MYH10: variants seen among roughly 807,000 people sequenced by gnomAD.
The protein encoded by MYH10 is myosin heavy chain 10.
In MYH10, 55 loss-of-function variants were observed where a neutral mutation model predicts 257.8. The observed-to-expected ratio is 0.21, with a 90% CI of 0.17 to 0.27. The LOEUF is 0.27. MYH10 is among the 10% of genes least tolerant of loss of function. The pLI is 1.00. For synonymous variants in MYH10, 854 were observed against 921.7 expected, an observed-to-expected ratio of 0.93 and a Z score of 1.33; for missense variants, 1,631 against 2,500.6, an observed-to-expected ratio of 0.65 and a Z score of 7.42.
chr17:8,475,684 A>T lies in MYH10; in HGVS notation c.*120T>A. On this transcript the variant is annotated 3_prime_UTR_variant, in exon 43 of 43. Coordinates refer to ENST00000360416, the MANE Select transcript of MYH10 (RefSeq NM_001256012.3). ...CAGTATGCATAGGCTGGAGAGCCTT[A>T]AGACACAGTTGATCTTTCAGGAAGG... is the stretch of plus-strand genomic sequence containing the variant. The T allele has an allele frequency of 1.6e-6, 2 of 1,235,248 alleles. No homozygotes were observed. Among genetic ancestry groups the T allele is most frequent in the Non-Finnish European group, 2.3e-6 (2 of 876,132 alleles). The allele number at this position is 1,235,248 out of a possible 1,614,324, so 76.5% of individuals were successfully genotyped here.
chr17:8,503,434 T>C (rs1435665615), intron 28 of MYH10, among the ~76,000 whole-genome samples: 4 of 152,104 alleles, frequency 2.6e-5, no homozygotes, highest in Non-Finnish European at 5.9e-5. Context: ...TAGCTGTACA[T>C]ATTCATGGCT....
In MYH10 at chr17:8,506,476, C is replaced by T; in HGVS notation, c.3228G>A (p.Lys1076=). The change falls in exon 27 of 43, where the codon AAG becomes AAA. Residue 1076 remains lysine (K), a synonymous_variant. Coordinates refer to ENST00000360416, the MANE Select transcript of MYH10 (RefSeq NM_001256012.3). The surrounding 1 kb of genome is among the most constrained non-coding windows in gnomAD (Gnocchi z 5.0). The part of the protein sequence containing the change: ...MISDLEERLK[K]EEKTRQELEK... ...CCAGTTCCTGACGAGTCTTTTCTTC[C>T]TTCTTTAAGCGTTCTTTAAGGTAAG... 2 of 1,610,890 alleles carry T rather than the reference C, an allele frequency of 1.2e-6. No individual in the cohort carries two copies. Among genetic ancestry groups the T allele is most frequent in the Non-Finnish European group, 1.7e-6 (2 of 1,179,032 alleles).
chr17:8,534,303 C>G (rs574543008), intron 16 of MYH10, among the ~76,000 whole-genome samples: 2 of 152,324 alleles, frequency 1.3e-5, no homozygotes, highest in South Asian at 4.1e-4. Context: ...TCGTCTTTCC[C>G]CCAGGTCCCT....
chr17:8,624,644 T>C (rs528440395), intron 1 of MYH10, among the ~76,000 whole-genome samples: 2 of 152,344 alleles, frequency 1.3e-5, no homozygotes, highest in African/African-American at 4.8e-5. Flanking sequence ...ACAAAATCCC[T>C]GAAATGGTAT....
Position 8,499,476 on chromosome 17 carries a change from A to C in MYH10, c.3745T>G (p.Phe1249Val). Residue 1249 changes from phenylalanine to valine, a missense_variant and splice_region_variant, in exon 30 of 43, where the codon TTC becomes GTC. Phe to Val is a conservative substitution (Grantham distance 50, BLOSUM62 -1). Coordinates refer to ENST00000360416, the MANE Select transcript of MYH10 (RefSeq NM_001256012.3). ...LSEQLEQAKRFKANLEKNKQG... is the reference protein window; with the variant it reads ...LSEQLEQAKRVKANLEKNKQG... ...TTGTTCTTCTCTAGATTTGCTTTGA[A>C]CTAGGAGACGGAAGGGAAAACATAA... The C allele has an allele frequency of 6.2e-7, 1 of 1,614,094 alleles. No individual in the cohort carries two copies. Among genetic ancestry groups the C allele is most frequent in the Non-Finnish European group, 8.5e-7 (1 of 1,179,958 alleles).
intron 2 of MYH10, among the ~76,000 whole-genome samples, chr17:8,608,108 T>C (rs1473873404): frequency 2.0e-5 from 3 of 152,144 alleles, no homozygotes; most frequent in Non-Finnish European, 4.4e-5. Flanking sequence ...TACCATGGAA[T>C]GTGAGCGACA....
At chr17:8,578,965 G>T (rs2152024560) in intron 4 of MYH10, among the ~76,000 whole-genome samples, 2 of 152,190 alleles carry the variant, frequency 1.3e-5, no homozygotes, top group East Asian at 3.9e-4. Flanking sequence ...AACAAAGCTG[G>T]ACTCTTTCTT....
intron 7 of MYH10, chr17:8,561,108 T>A: frequency 1.7e-6 from 1 of 605,034 alleles, no homozygotes; most frequent in Non-Finnish European, 2.9e-6. Context: ...CCCCTCGACA[T>A]CAAGCTGGAT....
At chr17:8,588,171 C>T (rs967683652) in intron 4 of MYH10, among the ~76,000 whole-genome samples, 3 of 152,154 alleles carry the variant, frequency 2.0e-5, no homozygotes, top group African/African-American at 7.2e-5. Flanking sequence ...GGATTCCACA[C>T]TCTGCTTTCT....
Position 8,586,823 on chromosome 17 carries a change from T to A in MYH10, c.530+2258A>T, listed in dbSNP as rs187603209. On this transcript the variant is annotated intron_variant, in intron 4 of 42. Coordinates refer to ENST00000360416, the MANE Select transcript of MYH10 (RefSeq NM_001256012.3). ...CTGCTTTCAGACGTTCCCAAAAGTC[T>A]TCATCAAACCACTTCATCTAAGAGA... Among the ~76,000 whole-genome samples, 83 of 152,308 alleles carry A rather than the reference T, an allele frequency of 5.4e-4. 1 individual carries two copies. Among genetic ancestry groups the A allele is most frequent in the African/African-American group, 1.8e-3 (74 of 41,572 alleles).
At chr17:8,584,828 G>A (rs2083834573) in intron 4 of MYH10, among the ~76,000 whole-genome samples, 1 of 152,150 alleles carries the variant, frequency 6.6e-6, no homozygotes, top group Admixed American at 6.5e-5. Flanking sequence ...GTTGCATCTA[G>A]TTGTATTTAT....
intron 9 of MYH10, among the ~76,000 whole-genome samples, chr17:8,550,690 G>A (rs2082610803): frequency 6.6e-6 from 1 of 152,164 alleles, no homozygotes; most frequent in Non-Finnish European, 1.5e-5. Flanking sequence ...CGGCTTTGTG[G>A]AATGGAGAGG....
intron 21 of MYH10, among the ~76,000 whole-genome samples, chr17:8,517,324 A>C (rs946260431): frequency 2.0e-5 from 3 of 152,126 alleles, no homozygotes; most frequent in Non-Finnish European, 2.9e-5. Context: ...AGCCCTCTTG[A>C]CCACTATCTG....
intron 21 of MYH10, among the ~76,000 whole-genome samples, chr17:8,515,807 G>T (rs770497433): frequency 6.6e-6 from 1 of 152,088 alleles, no homozygotes; most frequent in Non-Finnish European, 1.5e-5. Flanking sequence ...GCCTCCACAA[G>T]TGCTGGAATT....
chr17:8,568,916 A>G (rs779141490), intron 7 of MYH10, among the ~76,000 whole-genome samples: 85 of 151,760 alleles, frequency 5.6e-4, no homozygotes, highest in Middle Eastern at 3.4e-3. Flanking sequence ...TTGAATAGCT[A>G]AGGAGAATTT....
intron 2 of MYH10, among the ~76,000 whole-genome samples, chr17:8,620,449 A>G (rs2085421448): frequency 6.7e-6 from 1 of 150,048 alleles, no homozygotes; most frequent in African/African-American, 2.5e-5. Context: ...TTATTAGGAA[A>G]GAAGATGAAA....
chr17:8,545,481 T>C lies in MYH10; in HGVS notation c.1398A>G (p.Gly466=). ...TTTCAAATCCAGCAATATCCAGGATTCCAATGAAAGATGCTCCCTGACGTT... is the reference window on the plus strand; with the variant it reads ...TTTCAAATCCAGCAATATCCAGGATCCCAATGAAAGATGCTCCCTGACGTT... The part of the protein sequence containing the change: ...RTKRQGASFI[G]ILDIAGFEIF... The change falls in exon 13 of 43, where the codon GGA becomes GGG. Residue 466 remains glycine, a synonymous_variant. Coordinates refer to ENST00000360416, the MANE Select transcript of MYH10 (RefSeq NM_001256012.3). This position sits in a 1 kb window ranked among gnomAD's most constrained non-coding sequence, Gnocchi z 4.7. 6.2e-7 allele frequency: 1 copy of C among 1,613,798 alleles called. No homozygotes were observed. Among genetic ancestry groups the C allele is most frequent in the East Asian group, 2.2e-5 (1 of 44,882 alleles).
At chr17:8,626,788 T>C (rs1223150614) in intron 1 of MYH10, among the ~76,000 whole-genome samples, 1 of 152,068 alleles carries the variant, frequency 6.6e-6, no homozygotes. Context: ...TTACTATTCT[T>C]ATCAGGTGTA....
At chr17:8,581,863 CA>C (rs1178926467) in intron 4 of MYH10, among the ~76,000 whole-genome samples, 1 of 152,224 alleles carries the variant, frequency 6.6e-6, no homozygotes, top group Non-Finnish European at 1.5e-5. Flanking sequence ...ACCTGAGCTA[CA>C]GAATCAAAAT....
Sources: allele counts gnomAD v4.1 joint callset (sites outside exome capture counted in the v4.1 genomes callset), GRCh38; gene constraint gnomAD v4.1.1; non-coding constraint Gnocchi (gnomAD v3.1); transcripts MANE v1.5; gene names NCBI Gene and HGNC (gene_info 2026-07-23, HGNC 2026-07-21).